The following FAM3B variants were observed in gnomAD, a reference collection of about 807,000 sequenced individuals.
The protein encoded by FAM3B is protein FAM3B.
In FAM3B, 29 loss-of-function variants were observed where a neutral mutation model predicts 28.4. That is an observed-to-expected ratio of 1.02 (90% CI 0.76 to 1.39). The LOEUF is 1.39. Ranked by LOEUF, FAM3B falls within the 40% of genes most tolerant of loss-of-function variation. The pLI, the probability that FAM3B is intolerant of heterozygous loss-of-function variation, is 0.00. For synonymous variants in FAM3B, 91 were observed against 103.0 expected (o/e 0.88, Z 0.71); for missense variants, 266 against 293.9 (o/e 0.91, Z 0.69).
At chr21:41,317,327 C>T (rs1487637154) in intron 1 of FAM3B, among the ~76,000 whole-genome samples, 1 of 151,636 alleles carries the variant, frequency 6.6e-6, no homozygotes, top group African/African-American at 2.4e-5. Flanking sequence ...CCTGACCTTG[C>T]ACGCCAGGGA....
chr21:41,306,533 A>G (rs2088683955), intron 1 of FAM3B, among the ~76,000 whole-genome samples: 1 of 152,246 alleles, frequency 6.6e-6, no homozygotes, highest in African/African-American at 2.4e-5. Flanking sequence ...GCAGATACAG[A>G]AACGACATTG....
At chr21:41,314,908 G>A (rs79177814), upstream of FAM3B, among the ~76,000 whole-genome samples, 11,940 of 152,088 alleles carry the variant, frequency 0.079, 870 homozygotes, top group African/African-American at 0.2. Flanking sequence ...TAGAATTATC[G>A]TATGATCCAG....
chr21:41,310,086 G>A (rs1048636539), intron 1 of FAM3B, among the ~76,000 whole-genome samples: 1 of 152,168 alleles, frequency 6.6e-6, no homozygotes, highest in Admixed American at 6.5e-5. Context: ...CAGGAAGGAG[G>A]GTGGGAGTTT....
rs1166006561 is a variant in FAM3B at position 41,357,264 on chromosome 21, A to G, written c.*67A>G. 1.8e-6 allele frequency: 2 copies of G among 1,139,572 alleles called. No homozygotes were observed. The highest frequency in any genetic ancestry group is 2.5e-6 in the Non-Finnish European group (2 of 790,318). 70.6% of individuals were successfully genotyped at this position (1,139,572 alleles called of 1,614,324 possible). ...GCAGCTGGAATCGCTCAAGAATCTT[A>G]TTTTTCTAAATCCAACAGCCCATAT... On this transcript the variant is annotated 3_prime_UTR_variant, in exon 8 of 8. Transcript: ENST00000357985.
At chr21:41,340,009 T>C (rs424992) in intron 3 of FAM3B, among the ~76,000 whole-genome samples, 98,873 of 151,942 alleles carry the variant, frequency 0.65, 33,858 homozygotes, top group East Asian at 0.85. Flanking sequence ...TGAGAATCAA[T>C]AGGAGATGGG....
intron 1 of FAM3B, among the ~76,000 whole-genome samples, chr21:41,309,713 G>A (rs940136125): frequency 6.6e-6 from 1 of 152,202 alleles, no homozygotes; most frequent in Admixed American, 6.5e-5. Context: ...CAGCTTTACC[G>A]GCAGAACCAA....
chr21:41,326,646 C>T lies in FAM3B; in HGVS notation c.163+3580C>T, dbSNP rs998068764. 6.6e-5 allele frequency among the ~76,000 whole-genome samples: 10 copies of T among 152,220 alleles called. No homozygotes were observed. The highest frequency in any genetic ancestry group is 3.9e-4 in the Admixed American group (6 of 15,292). The stretch of plus-strand genomic sequence containing the variant: ...GACCTGCTCGTTCTGCTGCCGATCC[C>T]GTAGGGGAAGTCCCTGGGGAGAGCA... On this transcript the variant is annotated intron_variant, in intron 2 of 7. Coordinates refer to ENST00000357985, the MANE Select transcript of FAM3B (RefSeq NM_058186.4). This position sits in a 1 kb window ranked among gnomAD's most constrained non-coding sequence, Gnocchi z 4.0.
intron 2 of FAM3B, among the ~76,000 whole-genome samples, chr21:41,330,704 TG>T (rs1034592405): frequency 2.0e-5 from 3 of 152,232 alleles, no homozygotes; most frequent in African/African-American, 7.2e-5. Flanking sequence ...TGTCTTTCTG[TG>T]GGTGCGTTAT....
rs1672869250 is a variant in FAM3B, at chr21:41,357,476, C to T, written c.*279C>T. 1 of 273,630 alleles carries T rather than the reference C, an allele frequency of 3.7e-6. No homozygotes were observed. Among genetic ancestry groups the T allele is most frequent in the Admixed American group, 5.1e-5 (1 of 19,606 alleles). The allele number at this position is 273,630 out of a possible 1,614,324, so 17.0% of individuals were successfully genotyped here. On this transcript the variant is annotated 3_prime_UTR_variant, in exon 8 of 8. Coordinates refer to ENST00000357985, the MANE Select transcript of FAM3B (RefSeq NM_058186.4). ...CTGGAAAGAGGGTTGGGAGAAACAG[C>T]TTGTCCAGGTGGAGCTATGTTATGA...
intron 2 of FAM3B, among the ~76,000 whole-genome samples, chr21:41,328,072 G>C (rs1006837642): frequency 1.3e-5 from 2 of 152,232 alleles, no homozygotes; most frequent in Non-Finnish European, 2.9e-5. Context: ...TCTGACAGCA[G>C]GGCCTGGTTA....
chr21:41,344,328 C>T, intron 3 of FAM3B, 148 bp from the exon 4 acceptor site: 1 of 674,472 alleles, frequency 1.5e-6, no homozygotes, highest in Non-Finnish European at 2.6e-6. Context: ...GGGTGGCGGT[C>T]TCGGGAGCTG....
At chr21:41,332,152 G>A (rs1024801878) in intron 2 of FAM3B, among the ~76,000 whole-genome samples, 1 of 152,104 alleles carries the variant, frequency 6.6e-6, no homozygotes, top group Admixed American at 6.5e-5. Flanking sequence ...TCCCCCTGCC[G>A]CTCTATCTCA....
At chr21:41,317,126 C>T (rs564007527) in intron 1 of FAM3B, among the ~76,000 whole-genome samples, 2 of 152,336 alleles carry the variant, frequency 1.3e-5, no homozygotes, top group South Asian at 4.1e-4. Context: ...TGTTTCCCCG[C>T]GCTCGCCAGG....
intron 7 of FAM3B, among the ~76,000 whole-genome samples, chr21:41,352,050 T>G (rs778136367): frequency 2.6e-5 from 4 of 152,170 alleles, no homozygotes; most frequent in Non-Finnish European, 5.9e-5. Flanking sequence ...GGAGCCATCA[T>G]TCTCATCGCC....
chr21:41,329,365 A>C (rs928257625), intron 2 of FAM3B, among the ~76,000 whole-genome samples: 2 of 152,106 alleles, frequency 1.3e-5, no homozygotes, highest in Admixed American at 6.5e-5. Flanking sequence ...GGGGACGTGA[A>C]TCCTCCCTTT....
At chr21:41,306,537 G>A (rs2088684007) in intron 1 of FAM3B, among the ~76,000 whole-genome samples, 1 of 152,192 alleles carries the variant, frequency 6.6e-6, no homozygotes. Flanking sequence ...ATACAGAAAC[G>A]ACATTGATTT....
At chr21:41,325,025 C>T (rs1420465568) in intron 2 of FAM3B, among the ~76,000 whole-genome samples, 1 of 152,142 alleles carries the variant, frequency 6.6e-6, no homozygotes, top group Admixed American at 6.5e-5. Context: ...TAGCTTGAAC[C>T]CAGTAGGTGG....
At chr21:41,330,519 C>A (rs1300700756) in intron 2 of FAM3B, among the ~76,000 whole-genome samples, 3 of 152,208 alleles carry the variant, frequency 2.0e-5, no homozygotes, top group Non-Finnish European at 4.4e-5. Flanking sequence ...TGCAATGGAT[C>A]TCTTGAACTT....
At chr21:41,356,558 C>T (rs1382468822) in intron 7 of FAM3B, among the ~76,000 whole-genome samples, 1 of 152,200 alleles carries the variant, frequency 6.6e-6, no homozygotes, top group Non-Finnish European at 1.5e-5. Flanking sequence ...GTTAAACCAC[C>T]ATGAGTTGGG....
Sources: allele counts gnomAD v4.1 joint callset (sites outside exome capture counted in the v4.1 genomes callset), GRCh38; gene constraint gnomAD v4.1.1; non-coding constraint Gnocchi (gnomAD v3.1); transcripts MANE v1.5; gene names NCBI Gene and HGNC (gene_info 2026-07-23, HGNC 2026-07-21).